Variants in FLNB observed in about 807,000 individuals in gnomAD.
FLNB encodes the protein filamin-B.
A neutral mutation model predicts 250.6 loss-of-function variants in FLNB; 111 were observed. The observed-to-expected ratio is 0.44, with a 90% CI of 0.38 to 0.52. FLNB has a LOEUF of 0.52. FLNB is among the 20% of genes least tolerant of loss of function. The pLI, the probability that FLNB is intolerant of heterozygous loss-of-function variation, is 0.00. For missense variants in FLNB, 2,869 were observed against 3,447.8 expected (o/e 0.83, Z 4.20); for synonymous variants, 1,302 against 1,372.1 (o/e 0.95, Z 1.13).
chr3:58,098,446 T>C (rs539713187), intron 7 of FLNB, among the ~76,000 whole-genome samples: 1 of 152,334 alleles, frequency 6.6e-6, no homozygotes, highest in African/African-American at 2.4e-5. Context: ...TTCTCATACA[T>C]CAGCCTCTCA....
At chr3:58,080,384 A>G (rs1416794612) in intron 3 of FLNB, among the ~76,000 whole-genome samples, 1 of 152,186 alleles carries the variant, frequency 6.6e-6, no homozygotes, top group South Asian at 2.1e-4. Flanking sequence ...GGGCTGGGTC[A>G]GATGATGGTA....
chr3:58,050,274 C>T (rs1254280876), intron 1 of FLNB, among the ~76,000 whole-genome samples: 3 of 152,112 alleles, frequency 2.0e-5, no homozygotes, highest in East Asian at 1.9e-4. Flanking sequence ...GTTATCCACC[C>T]GCCTCGGCCT....
rs766932995 is a variant in FLNB at position 58,104,122 on chromosome 3, G to A, written c.1610+37G>A. ...GCTGCAGAGGGGTCTTCTCTGGAGG[G>A]TGCTCGGCCCAGGGCGGACTCATGG... On this transcript the variant is annotated intron_variant, in intron 10 of 45. Transcript: ENST00000295956. The A allele has an allele frequency of 3.2e-5, 51 of 1,612,084 alleles. No individual in the cohort carries two copies. The South Asian group carries it at 5.1e-4, about 16-fold the overall frequency.
At chr3:58,114,828 C>T (rs2097275135) in intron 18 of FLNB, among the ~76,000 whole-genome samples, 2 of 150,316 alleles carry the variant, frequency 1.3e-5, no homozygotes, top group Admixed American at 1.3e-4. Context: ...ATCATCTTTT[C>T]ATGTGCTTAT....
rs150740044 is a variant in FLNB at position 58,093,181 on chromosome 3, A to G, written c.788-1655A>G. 9.2e-5 allele frequency among the ~76,000 whole-genome samples: 14 copies of G among 152,326 alleles called. 1 individual carries two copies. Among genetic ancestry groups the G allele is most frequent in the African/African-American group, 3.4e-4 (14 of 41,576 alleles). ...CTTTAGCAGTTGTGTAGTGAAGGAT[A>G]TGATAGAGGATACAGATGATGCCCC... On this transcript the variant is annotated intron_variant, in intron 4 of 45. Coordinates refer to ENST00000295956, the MANE Select transcript of FLNB (RefSeq NM_001457.4).
rs186125214 is a variant in FLNB, at chr3:58,128,249, G to A, written c.4222+1487G>A. Among the ~76,000 whole-genome samples, 311 of 152,198 alleles carry A rather than the reference G, an allele frequency of 2.0e-3. 2 individuals carry two copies. The highest frequency in any genetic ancestry group is 7.0e-3 in the African/African-American group (289 of 41,518). ...CTTCCCCCTTACCACATGGAAATGT[G>A]CACACACACTCACACTCACTCTCTC... On this transcript the variant is annotated intron_variant, in intron 24 of 45. Coordinates refer to ENST00000295956, the MANE Select transcript of FLNB (RefSeq NM_001457.4).
intron 1 of FLNB, among the ~76,000 whole-genome samples, chr3:58,021,707 C>T (rs779075662): frequency 2.1e-4 from 32 of 152,308 alleles, no homozygotes; most frequent in Non-Finnish European, 2.9e-4. Flanking sequence ...TATTGTCTGA[C>T]ATCCATGGGG....
chr3:58,106,981 A>T (rs1353207019), intron 12 of FLNB, 108 bp downstream of exon 12: 1 of 833,472 alleles, frequency 1.2e-6, no homozygotes, highest in South Asian at 1.4e-5. Flanking sequence ...GAGAGGAATC[A>T]TTTGGATTTT....
At chr3:58,038,470 G>A (rs991790405) in intron 1 of FLNB, among the ~76,000 whole-genome samples, 2 of 150,018 alleles carry the variant, frequency 1.3e-5, no homozygotes, top group African/African-American at 4.9e-5. Flanking sequence ...TGGGGGTCTC[G>A]CTCTGTTGCC....
intron 4 of FLNB, among the ~76,000 whole-genome samples, chr3:58,090,170 C>CAT (rs2097224346): frequency 1.3e-5 from 2 of 150,756 alleles, no homozygotes; most frequent in Admixed American, 1.3e-4. Flanking sequence ...TTTAAACACA[C>CAT]ACATTAGTCT....
intron 1 of FLNB, among the ~76,000 whole-genome samples, chr3:58,059,555 G>A (rs568979196): frequency 1.3e-5 from 2 of 152,176 alleles, no homozygotes; most frequent in South Asian, 4.1e-4. Flanking sequence ...CCTGACTGTG[G>A]ACTGCGTCTC....
At chr3:58,075,875 G>A (rs943534286) in intron 1 of FLNB, among the ~76,000 whole-genome samples, 50 of 152,064 alleles carry the variant, frequency 3.3e-4, no homozygotes, top group African/African-American at 1.1e-3. Flanking sequence ...GTGGGTATAG[G>A]GAAACGGAGA....
intron 43 of FLNB, 93 bp downstream of exon 43, chr3:58,163,423 C>A: frequency 7.5e-7 from 1 of 1,326,388 alleles, no homozygotes; most frequent in Non-Finnish European, 1.1e-6. Context: ...AAGCTTTTTA[C>A]ACGTACTCCC....
At chr3:58,109,048 A>G (rs768911491) in intron 13 of FLNB, 131 bp from the exon 14 acceptor site, 5 of 978,360 alleles carry the variant, frequency 5.1e-6, no homozygotes, top group Non-Finnish European at 8.1e-6. Context: ...AATATGGCAC[A>G]TTGTAGTTGG....
chr3:58,161,133 G>C (rs150794391), intron 42 of FLNB, among the ~76,000 whole-genome samples: 411 of 152,310 alleles, frequency 2.7e-3, no homozygotes, highest in Admixed American at 3.7e-3. Flanking sequence ...GTGGCAAGCT[G>C]GTGCTCCCAG....
intron 25 of FLNB, among the ~76,000 whole-genome samples, chr3:58,131,500 C>T (rs1428978454): frequency 1.3e-5 from 2 of 152,270 alleles, no homozygotes; most frequent in South Asian, 2.1e-4. Context: ...TTGGAACTTG[C>T]CTTTTTTGAT....
chr3:58,148,806 C>G lies in FLNB; in HGVS notation c.6045C>G (p.Gly2015=). ...AKVYGRGLSE[G]RTFEMSDFIV... is the part of the protein sequence containing the mutation. The stretch of plus-strand genomic sequence containing the variant: ...TCTATGGCCGCGGCCTGTCAGAAGG[C>G]CGGACTTTCGAGATGTCTGACTTCA... The change falls in exon 36 of 46, where the codon GGC becomes GGG. Residue 2015 remains glycine, a synonymous_variant. Transcript: ENST00000295956. 1 of 1,613,920 alleles carries G rather than the reference C, an allele frequency of 6.2e-7. No individual in the cohort carries two copies. The highest frequency in any genetic ancestry group is 8.5e-7 in the Non-Finnish European group (1 of 1,180,022).
In FLNB at chr3:58,121,373, G is replaced by A. The variant is rs755928543; in HGVS notation, c.2996G>A (p.Arg999Gln). 37 of 1,614,026 alleles carry A rather than the reference G, an allele frequency of 2.3e-5. No homozygotes were observed. The highest frequency in any genetic ancestry group is 1.6e-4 in the Middle Eastern group (1 of 6,084). Reference sequence around the variant, plus strand: ...TGCCTAGTGACACCTGTGACAGGCCGGGAGAACAGCACGGCCAAGTTCATC... The same window carrying A: ...TGCCTAGTGACACCTGTGACAGGCCAGGAGAACAGCACGGCCAAGTTCATC... ...VPCLVTPVTG[R>Q]ENSTAKFIPR... Residue 999 changes from arginine to glutamine, a missense_variant, in exon 20 of 46, where the codon CGG (arginine) becomes CAG (glutamine). This residue lies in a region of FLNB where 1,348 missense variants were observed against 1,466.7 expected (regional missense o/e 0.92). Transcript: ENST00000295956.
At chr3:58,010,830 C>G (rs765169614) in intron 1 of FLNB, among the ~76,000 whole-genome samples, 3 of 152,128 alleles carry the variant, frequency 2.0e-5, no homozygotes, top group Non-Finnish European at 2.9e-5. Flanking sequence ...AGCACTGTCT[C>G]TCATCAGTGC....
Sources: allele counts gnomAD v4.1 joint callset (sites outside exome capture counted in the v4.1 genomes callset), GRCh38; gene constraint gnomAD v4.1.1; regional missense constraint gnomAD v4.1.1; transcripts MANE v1.5; gene names NCBI Gene and HGNC (gene_info 2026-07-23, HGNC 2026-07-21).